Variants in GRK5 observed in about 807,000 individuals in gnomAD.
GRK5 encodes g protein-coupled receptor kinase GRK5.
A neutral mutation model predicts 78.4 loss-of-function variants in GRK5; 40 were observed. That is an observed-to-expected ratio of 0.51 (90% CI 0.40 to 0.66). The LOEUF (loss-of-function observed/expected upper bound fraction) is 0.66, where lower values mean the gene tolerates loss of function less well. GRK5 is among the 30% of genes least tolerant of loss of function. The probability of loss-of-function intolerance (pLI) is 0.00; values close to 1 mark genes in which losing one functional copy is unlikely to be tolerated. For synonymous variants in GRK5, 289 were observed against 296.8 expected, an observed-to-expected ratio of 0.97 and a Z score of 0.27; for missense variants, 598 against 759.9, an observed-to-expected ratio of 0.79 and a Z score of 2.50.
chr10:119,369,162 G>T (rs1164572493), intron 2 of GRK5, among the ~76,000 whole-genome samples: 1 of 152,248 alleles, frequency 6.6e-6, no homozygotes, highest in Admixed American at 6.5e-5. Context: ...ACGCCCTGGA[G>T]ATTTGATGCA....
chr10:119,300,615 C>T (rs542173669), intron 1 of GRK5, among the ~76,000 whole-genome samples: 23 of 152,344 alleles, frequency 1.5e-4, no homozygotes, highest in African/African-American at 5.1e-4. Flanking sequence ...CCTAGGTTCC[C>T]CCTAATCACA....
chr10:119,314,165 T>A (rs2133745694), intron 1 of GRK5, among the ~76,000 whole-genome samples: 1 of 152,330 alleles, frequency 6.6e-6, no homozygotes, highest in South Asian at 2.1e-4. Context: ...ACCCCGTGGC[T>A]TTTGCCCCCA....
At chr10:119,236,343 G>A (rs1848928330) in intron 1 of GRK5, among the ~76,000 whole-genome samples, 1 of 152,048 alleles carries the variant, frequency 6.6e-6, no homozygotes, top group South Asian at 2.1e-4. Flanking sequence ...AGCCTCCCGA[G>A]TAGCTGGGAC....
intron 15 of GRK5, among the ~76,000 whole-genome samples, 181 bp from the exon 16 acceptor site, chr10:119,454,788 A>T (rs1379470927): frequency 6.6e-6 from 1 of 152,132 alleles, no homozygotes; most frequent in Non-Finnish European, 1.5e-5. Flanking sequence ...TGTTAATTCC[A>T]TAGCTCTTCC....
intron 1 of GRK5, among the ~76,000 whole-genome samples, chr10:119,270,829 TGTG>T (rs1849571191): frequency 6.6e-6 from 1 of 152,228 alleles, no homozygotes; most frequent in Admixed American, 6.5e-5. Flanking sequence ...CAAACTGCAG[TGTG>T]CTTGGCACGT....
chr10:119,371,297 C>T (rs961907959), intron 2 of GRK5, among the ~76,000 whole-genome samples: 4 of 152,198 alleles, frequency 2.6e-5, no homozygotes, highest in Admixed American at 6.5e-5. Context: ...CGTGGCCATC[C>T]GAGGGAAGCT....
At chr10:119,441,941 A>G in intron 10 of GRK5, 58 bp from the exon 11 acceptor site, 1 of 1,404,164 alleles carries the variant, frequency 7.1e-7, no homozygotes, top group Non-Finnish European at 1.0e-6. Flanking sequence ...GGCACACAGC[A>G]AGGCCGGGTG....
chr10:119,216,372 G>T (rs1848574583), intron 1 of GRK5, among the ~76,000 whole-genome samples: 1 of 152,352 alleles, frequency 6.6e-6, no homozygotes, highest in South Asian at 2.1e-4. Context: ...ATAAGAACAT[G>T]CCTCTGTCCT....
chr10:119,251,492 A>G (rs943086583), intron 1 of GRK5, among the ~76,000 whole-genome samples: 2 of 152,218 alleles, frequency 1.3e-5, no homozygotes, highest in Non-Finnish European at 2.9e-5. Context: ...TCCTCTCCGC[A>G]GCTTCAGTTA....
rs1230197539 is a variant in GRK5, at chr10:119,378,903, G to T, written c.149-1912G>T. 6.6e-6 allele frequency among the ~76,000 whole-genome samples: 1 copy of T among 152,260 alleles called. No individual in the cohort carries two copies. On this transcript the variant is annotated intron_variant, in intron 2 of 15. Transcript: ENST00000392870. The surrounding 1 kb of genome is among the most constrained non-coding windows in gnomAD (Gnocchi z 4.5). ...GAACCTGTCATTATGGCCAGAGAGA[G>T]AGGCCTCTGATTGGCTGTGACTAAG...
At chr10:119,322,009 T>C (rs1234303842) in intron 1 of GRK5, among the ~76,000 whole-genome samples, 1 of 152,204 alleles carries the variant, frequency 6.6e-6, no homozygotes, top group Non-Finnish European at 1.5e-5. Flanking sequence ...TGAGATGGGG[T>C]CTTGCTCTGC....
chr10:119,352,878 A>C (rs554787152), intron 2 of GRK5, among the ~76,000 whole-genome samples: 1 of 152,286 alleles, frequency 6.6e-6, no homozygotes, highest in East Asian at 1.9e-4. Flanking sequence ...ACCAGGCCCA[A>C]GTTCTGTGCA....
intron 13 of GRK5, among the ~76,000 whole-genome samples, chr10:119,449,183 A>C (rs775503556): frequency 1.6e-5 from 2 of 127,742 alleles, no homozygotes; most frequent in Non-Finnish European, 3.6e-5. Flanking sequence ...GGTAGCTTAC[A>C]GTAGATCTGG....
Position 119,375,473 on chromosome 10 carries a change from C to T in GRK5, c.149-5342C>T, listed in dbSNP as rs116484529. Among the ~76,000 whole-genome samples, 722 of 152,328 alleles carry T rather than the reference C, an allele frequency of 4.7e-3. 8 individuals are homozygous for T. Among genetic ancestry groups the T allele is most frequent in the African/African-American group, 0.017 (693 of 41,574 alleles). The stretch of plus-strand genomic sequence containing the variant: ...TGAGAGGATGTCTTGCCCCCTCTGC[C>T]ACGACACCTTCCAGGACACTTCCCA... On this transcript the variant is annotated intron_variant, in intron 2 of 15. Transcript: ENST00000392870.
chr10:119,405,636 G>A (rs1258253022), intron 4 of GRK5, among the ~76,000 whole-genome samples: 1 of 151,310 alleles, frequency 6.6e-6, no homozygotes, highest in African/African-American at 2.4e-5. Flanking sequence ...TCGGCCTCTG[G>A]CACAGGCAGT....
chr10:119,337,651 C>T (rs951816577), intron 2 of GRK5, among the ~76,000 whole-genome samples: 5 of 151,902 alleles, frequency 3.3e-5, no homozygotes, highest in Non-Finnish European at 5.9e-5. Flanking sequence ...CAGAGTTTTG[C>T]TCTTGTTGCC....
intron 1 of GRK5, among the ~76,000 whole-genome samples, chr10:119,325,321 G>A (rs1026275649): frequency 1.3e-5 from 2 of 152,160 alleles, no homozygotes; most frequent in Non-Finnish European, 2.9e-5. Context: ...GCAGGGGATG[G>A]CCACAGGGCC....
At chr10:119,310,659 T>C (rs1482672603) in intron 1 of GRK5, among the ~76,000 whole-genome samples, 1 of 151,976 alleles carries the variant, frequency 6.6e-6, no homozygotes, top group Non-Finnish European at 1.5e-5. Context: ...CTAAGAGATG[T>C]AGAGGGATAG....
intron 1 of GRK5, among the ~76,000 whole-genome samples, chr10:119,216,209 C>T (rs1284926877): frequency 6.6e-6 from 1 of 152,236 alleles, no homozygotes; most frequent in Non-Finnish European, 1.5e-5. Context: ...CTAAACTAGG[C>T]CAGTTTTGAT....
Sources: gnomAD v4.1 joint callset for allele counts (sites outside exome capture counted in the v4.1 genomes callset) on GRCh38, gnomAD v4.1.1 for gene constraint, Gnocchi (gnomAD v3.1) non-coding constraint, MANE v1.5 for transcripts, NCBI Gene and HGNC (gene_info 2026-07-23, HGNC 2026-07-21) for gene names.